NCOA2: variants seen among roughly 807,000 people sequenced by gnomAD.
NCOA2 encodes class E basic helix-loop-helix protein 75.
Under a neutral mutation model 145.1 loss-of-function variants are expected in NCOA2, and 21 were observed. The ratio of observed to expected loss-of-function variants is 0.14; its 90% CI spans 0.10 to 0.21. The LOEUF (loss-of-function observed/expected upper bound fraction) is 0.21, where lower values mean the gene tolerates loss of function less well. Ranked by LOEUF, NCOA2 falls within the 10% of genes least tolerant of loss-of-function variation. NCOA2 has a pLI of 1.00. For synonymous variants in NCOA2, 619 were observed against 637.5 expected (o/e 0.97, Z 0.44); for missense variants, 1,472 against 1,837.6 (o/e 0.80, Z 3.64).
chr8:70,434,459 C>T, the NCOA2 span, among the ~76,000 whole-genome samples: 1 of 152,182 alleles, frequency 6.6e-6, no homozygotes, highest in East Asian at 1.9e-4. Context: ...CTTCAATTTG[C>T]TCTCTGAGAA....
chr8:70,385,110 T>C (rs1440550464), intron 1 of NCOA2, among the ~76,000 whole-genome samples: 2 of 152,208 alleles, frequency 1.3e-5, no homozygotes, highest in Non-Finnish European at 2.9e-5. Flanking sequence ...TAAATAATCC[T>C]GAATGCACAG....
At chr8:70,439,455 A>T in the NCOA2 span, among the ~76,000 whole-genome samples, 1 of 152,192 alleles carries the variant, frequency 6.6e-6, no homozygotes, top group Non-Finnish European at 1.5e-5. Context: ...GTCAGACAAG[A>T]TGGGGAAGGC....
At chr8:70,368,360 A>G (rs1184257147) in intron 1 of NCOA2, among the ~76,000 whole-genome samples, 1 of 152,214 alleles carries the variant, frequency 6.6e-6, no homozygotes, top group Non-Finnish European at 1.5e-5. Flanking sequence ...GAGGCAATTT[A>G]TAAGACATGG....
chr8:70,356,395 T>C (rs1449057167), intron 1 of NCOA2, among the ~76,000 whole-genome samples: 1 of 152,206 alleles, frequency 6.6e-6, no homozygotes, highest in African/African-American at 2.4e-5. Context: ...ACTCCACTAG[T>C]CATTCTACAG....
chr8:70,394,147 TAATAA>T (rs1813452499), intron 1 of NCOA2, among the ~76,000 whole-genome samples: 1 of 152,202 alleles, frequency 6.6e-6, no homozygotes, highest in African/African-American at 2.4e-5. Flanking sequence ...TGCTCAAATA[TAATAA>T]AATAACATGT....
At chr8:70,418,713 C>T in the NCOA2 span, among the ~76,000 whole-genome samples, 1 of 152,174 alleles carries the variant, frequency 6.6e-6, no homozygotes, top group South Asian at 2.1e-4. Flanking sequence ...GCACAAAATG[C>T]TTCTGTGAAA....
intron 2 of NCOA2, among the ~76,000 whole-genome samples, chr8:70,276,177 T>C (rs1825450581): frequency 1.3e-5 from 2 of 152,042 alleles, no homozygotes; most frequent in East Asian, 3.8e-4. Flanking sequence ...TGAATATGCC[T>C]AAATTAAATG....
intron 1 of NCOA2, among the ~76,000 whole-genome samples, chr8:70,301,525 C>T (rs1827485298): frequency 6.6e-6 from 1 of 151,474 alleles, no homozygotes; most frequent in Non-Finnish European, 1.5e-5. Context: ...CATGGTGGCG[C>T]ATGTCTGTAG....
chr8:70,250,430 A>T (rs1226528102), intron 2 of NCOA2, among the ~76,000 whole-genome samples: 2 of 140,966 alleles, frequency 1.4e-5, no homozygotes, highest in Non-Finnish European at 3.0e-5. Flanking sequence ...AAGTCAGCCG[A>T]GCGTGGTGGC....
chr8:70,297,220 T>C (rs563523845), intron 1 of NCOA2, among the ~76,000 whole-genome samples: 6 of 151,260 alleles, frequency 4.0e-5, no homozygotes, highest in East Asian at 3.9e-4. Context: ...AAATGTGTGC[T>C]GAATAAATAA....
At chr8:70,147,552 A>G (rs573684995) in intron 12 of NCOA2, among the ~76,000 whole-genome samples, 1 of 152,338 alleles carries the variant, frequency 6.6e-6, no homozygotes, top group South Asian at 2.1e-4. Context: ...TCCATTCAAG[A>G]TTATCAGACA....
At chr8:70,449,279 A>G in the NCOA2 span, among the ~76,000 whole-genome samples, 1 of 152,248 alleles carries the variant, frequency 6.6e-6, no homozygotes, top group Non-Finnish European at 1.5e-5. Context: ...TTATGCATTT[A>G]TTAATTATTC....
chr8:70,248,322 T>C (rs923310471), intron 2 of NCOA2, among the ~76,000 whole-genome samples: 8 of 152,220 alleles, frequency 5.3e-5, no homozygotes, highest in Non-Finnish European at 7.3e-5. Flanking sequence ...CCTATCAAAA[T>C]GTAGAACACT....
At chr8:70,255,018 A>C (rs966437288) in intron 2 of NCOA2, among the ~76,000 whole-genome samples, 2 of 152,210 alleles carry the variant, frequency 1.3e-5, no homozygotes, top group Non-Finnish European at 2.9e-5. Flanking sequence ...ATTAGGAAAG[A>C]CTTTGATTCA....
intron 10 of NCOA2, among the ~76,000 whole-genome samples, chr8:70,159,243 T>TATATATATATATATGTATATA (rs869045939): frequency 8.5e-5 from 7 of 82,060 alleles, no homozygotes; most frequent in Admixed American, 1.5e-4. Flanking sequence ...TATATATATA[T>TATATATATATATATGTATATA]TTTTTTTTTT....
intron 2 of NCOA2, among the ~76,000 whole-genome samples, chr8:70,264,117 C>T (rs1824367515): frequency 6.6e-6 from 1 of 151,594 alleles, no homozygotes; most frequent in African/African-American, 2.4e-5. Context: ...GAGGCTGAGG[C>T]AGGAGAATCA....
chr8:70,335,122 C>CAAAAAAAAA (rs59460365), intron 1 of NCOA2, among the ~76,000 whole-genome samples: 10 of 29,468 alleles, frequency 3.4e-4, no homozygotes, highest in Non-Finnish European at 4.5e-4. Context: ...GACTCCATCT[C>CAAAAAAAAA]AAAAAAAAAA....
Position 70,347,092 on chromosome 8 carries a change from T to C in NCOA2, c.-76-50292A>G, listed in dbSNP as rs182620522. Among the ~76,000 whole-genome samples, 30 of 152,318 alleles carry C rather than the reference T, an allele frequency of 2.0e-4. No homozygotes were observed. The East Asian group carries it at 4.8e-3, about 24-fold the overall frequency. The stretch of plus-strand genomic sequence containing the variant: ...TGGATTAAGGAACAAACTACGATAG[T>C]GGGATTTACTTCTTAAATTTATCCA... On this transcript the variant is annotated intron_variant, in intron 1 of 22. Coordinates refer to ENST00000452400, the MANE Select transcript of NCOA2 (RefSeq NM_006540.4).
At chr8:70,248,740 G>A (rs75272709) in intron 2 of NCOA2, among the ~76,000 whole-genome samples, 8,401 of 142,674 alleles carry the variant, frequency 0.059, 289 homozygotes, top group East Asian at 0.17. Context: ...GTATTGTTTC[G>A]GGAATAATGA....
Sources: gnomAD v4.1 joint callset for allele counts (sites outside exome capture counted in the v4.1 genomes callset) on GRCh38, gnomAD v4.1.1 for gene constraint, MANE v1.5 for transcripts, NCBI Gene and HGNC (gene_info 2026-07-23, HGNC 2026-07-21) for gene names.